FAM222B: variants seen among roughly 807,000 people sequenced by gnomAD.
FAM222B encodes the protein family with sequence similarity 222 member B, also known as protein FAM222B.
In FAM222B, 12 loss-of-function variants were observed where a neutral mutation model predicts 38.0. The observed-to-expected ratio is 0.32, with a 90% CI of 0.20 to 0.51. FAM222B has a LOEUF of 0.51. Among genes scored for constraint, FAM222B ranks in the 20% least tolerant of loss-of-function variants. FAM222B has a pLI of 0.97. For synonymous variants in FAM222B, 329 were observed against 317.2 expected (o/e 1.04, Z -0.40); for missense variants, 716 against 754.2 (o/e 0.95, Z 0.59).
intron 1 of FAM222B, among the ~76,000 whole-genome samples, chr17:28,820,928 C>A (rs1434777085): frequency 6.6e-6 from 1 of 151,352 alleles, no homozygotes; most frequent in Non-Finnish European, 1.5e-5. Context: ...GAGTGAGCCA[C>A]TGCACCCAGT....
rs553866166 is a variant in FAM222B at position 28,769,594 on chromosome 17, G to C, written c.-40-2887C>G. On this transcript the variant is annotated intron_variant, in intron 1 of 2. Transcript: ENST00000581407. Reference sequence around the variant, plus strand: ...TTACAGACGTGAGCCACCGCGCCCGGCCAATTCTGTTAACTGAAAGTCAGA... The same window carrying C: ...TTACAGACGTGAGCCACCGCGCCCGCCCAATTCTGTTAACTGAAAGTCAGA... Among the ~76,000 whole-genome samples, 3 of 152,322 alleles carry C rather than the reference G, an allele frequency of 2.0e-5. No individual in the cohort carries two copies. In the South Asian group the frequency reaches 6.2e-4, roughly 32 times the overall value.
rs201599011 is a variant in FAM222B, at chr17:28,832,043, AG to A, written c.-41+10638del. ...TCTCAACTAAAAATACAAAAAAATT[AG>A]CCAGGCGTGGTGGCAGGCACCTGTA... is the stretch of plus-strand genomic sequence containing the variant. On this transcript the variant is annotated intron_variant, in intron 1 of 2. Transcript: ENST00000581407. 6.3e-3 allele frequency among the ~76,000 whole-genome samples: 966 copies of A among 152,262 alleles called. 4 individuals carry two copies. Among genetic ancestry groups the A allele is most frequent in the Admixed American group, 0.022 (339 of 15,280 alleles).
intron 1 of FAM222B, among the ~76,000 whole-genome samples, chr17:28,826,638 G>A (rs567634567): frequency 5.6e-5 from 8 of 144,046 alleles, no homozygotes; most frequent in African/African-American, 2.1e-4. Context: ...CCAAGATGGC[G>A]CCATTGCACT....
chr17:28,786,948 A>G (rs2036442508), intron 1 of FAM222B, among the ~76,000 whole-genome samples: 1 of 117,456 alleles, frequency 8.5e-6, no homozygotes, highest in Non-Finnish European at 1.6e-5. Context: ...TCTGTCGCCC[A>G]GCCTGGAGTG....
At chr17:28,795,306 A>C (rs961305440) in intron 1 of FAM222B, among the ~76,000 whole-genome samples, 4 of 151,886 alleles carry the variant, frequency 2.6e-5, no homozygotes, top group Non-Finnish European at 5.9e-5. Context: ...CATCGTGCCC[A>C]GTTAACTTTT....
rs61229770 is a variant in FAM222B at position 28,835,024 on chromosome 17, TTGTGTGTGTG to T, written c.-41+7648_-41+7657del. On this transcript the variant is annotated intron_variant, in intron 1 of 2. Transcript: ENST00000581407. ...CGCCCACCACTACACTCAGCTAATT[TTGTGTGTGTG>T]TGTGTGTGTGTGTGTGTGTGTGTGT... Among the ~76,000 whole-genome samples, 624 of 132,102 alleles carry T rather than the reference TTGTGTGTGTG, an allele frequency of 4.7e-3. 12 individuals are homozygous for T. In the South Asian group the frequency reaches 0.05, roughly 11 times the overall value. The allele number at this position is 132,102 out of a possible 152,430, so 86.7% of individuals were successfully genotyped here.
Position 28,759,152 on chromosome 17 carries a change from C to A in FAM222B, c.807G>T (p.Val269=), listed in dbSNP as rs1241257160. 6.2e-7 allele frequency: 1 copy of A among 1,612,480 alleles called. No homozygotes were observed. Among genetic ancestry groups the A allele is most frequent in the South Asian group, 1.1e-5 (1 of 90,742 alleles). ...TCTGGCAAAACTGGTTGATCTGGTG[C>A]ACGATGCTACTCAGGTCCGGAGGCT... is the stretch of plus-strand genomic sequence containing the variant. ...HSQPPDLSSI[V]HQINQFCQTR... is the part of the protein sequence containing the mutation. The change falls in exon 3 of 3, where the codon GTG becomes GTT. Residue 269 remains valine, a synonymous_variant. Transcript: ENST00000581407. This position sits in a 1 kb window ranked among gnomAD's most constrained non-coding sequence, Gnocchi z 4.8.
intron 1 of FAM222B, chr17:28,802,455 T>TCC (rs925894961): frequency 1.3e-5 from 2 of 152,778 alleles, no homozygotes; most frequent in Non-Finnish European, 2.9e-5. Flanking sequence ...GCAGAATGGC[T>TCC]CCCGCAAAGG....
chr17:28,767,477 C>T (rs114684632), intron 1 of FAM222B, among the ~76,000 whole-genome samples: 3,290 of 149,120 alleles, frequency 0.022, 106 homozygotes, highest in African/African-American at 0.076. Flanking sequence ...CATTTATTTA[C>T]TTATTTATTT....
intron 1 of FAM222B, among the ~76,000 whole-genome samples, chr17:28,801,662 T>G (rs2037236046): frequency 6.6e-6 from 1 of 152,058 alleles, no homozygotes; most frequent in Non-Finnish European, 1.5e-5. Flanking sequence ...CCCAGCTGAA[T>G]AGCTGGGTAA....
chr17:28,833,003 C>G, intron 1 of FAM222B, among the ~76,000 whole-genome samples: 1 of 115,344 alleles, frequency 8.7e-6, no homozygotes, highest in South Asian at 3.2e-4. Flanking sequence ...AAGACTCTGT[C>G]TCTATTAAAA....
At chr17:28,765,635 T>A (rs548970260) in intron 2 of FAM222B, among the ~76,000 whole-genome samples, 1 of 152,130 alleles carries the variant, frequency 6.6e-6, no homozygotes, top group Non-Finnish European at 1.5e-5. Context: ...GTGCCAAGAA[T>A]AGAATATTTT....
intron 1 of FAM222B, among the ~76,000 whole-genome samples, chr17:28,793,309 C>T (rs980272370): frequency 3.3e-5 from 5 of 152,116 alleles, no homozygotes; most frequent in Admixed American, 6.6e-5. Flanking sequence ...AAGTGTCATG[C>T]AAACTCTCTT....
At chr17:28,794,603 A>G (rs1245101603) in intron 1 of FAM222B, among the ~76,000 whole-genome samples, 1 of 152,156 alleles carries the variant, frequency 6.6e-6, no homozygotes, top group African/African-American at 2.4e-5. Flanking sequence ...ATAAAATTAA[A>G]ATTTTAAAAA....
chr17:28,796,082 G>A (rs928194119), intron 1 of FAM222B, among the ~76,000 whole-genome samples: 1 of 152,310 alleles, frequency 6.6e-6, no homozygotes, highest in Admixed American at 6.5e-5. Flanking sequence ...AATAACTGCA[G>A]TGGAGTGAGG....
At chr17:28,817,139 G>A (rs966116934) in intron 1 of FAM222B, among the ~76,000 whole-genome samples, 12 of 152,164 alleles carry the variant, frequency 7.9e-5, no homozygotes, top group South Asian at 2.1e-4. Flanking sequence ...TAAGCCCGGC[G>A]CAGTGGCTCA....
Position 28,758,447 on chromosome 17 carries a change from C to T in FAM222B, c.1512G>A (p.Val504=), listed in dbSNP as rs1185963441. 1.2e-6 allele frequency: 2 copies of T among 1,613,834 alleles called. No individual in the cohort carries two copies. Among genetic ancestry groups the T allele is most frequent in the Non-Finnish European group, 1.7e-6 (2 of 1,179,846 alleles). Residue 504 remains valine, a synonymous_variant, in exon 3 of 3, where the codon GTG becomes GTA. Transcript: ENST00000581407. ...TTTGCATCAAGCTGTTCTGGCTTGC[C>T]ACTGGACCGCCCCCGGTCCCTGCTC... ...HYRAGTGGGP[V]ASQNSLMQTV...
At chr17:28,788,807 T>G (rs2036533047) in intron 1 of FAM222B, among the ~76,000 whole-genome samples, 1 of 152,044 alleles carries the variant, frequency 6.6e-6, no homozygotes, top group African/African-American at 2.4e-5. Context: ...AGTGATGCAA[T>G]ATTGGCTTAC....
chr17:28,783,871 T>A (rs967158650), intron 1 of FAM222B, among the ~76,000 whole-genome samples: 1 of 152,028 alleles, frequency 6.6e-6, no homozygotes, highest in African/African-American at 2.4e-5. Flanking sequence ...CAATCTCGGC[T>A]CACTGCAACC....
Sources: allele counts gnomAD v4.1 joint callset (sites outside exome capture counted in the v4.1 genomes callset), GRCh38; gene constraint gnomAD v4.1.1; non-coding constraint Gnocchi (gnomAD v3.1); transcripts MANE v1.5; gene names NCBI Gene and HGNC (gene_info 2026-07-23, HGNC 2026-07-21).